SCAI: variants seen among roughly 807,000 people sequenced by gnomAD.
The protein encoded by SCAI is protein SCAI.
SCAI carries 24 observed loss-of-function variants against 92.2 expected under a neutral mutation model. The ratio of observed to expected loss-of-function variants is 0.26; its 90% CI spans 0.19 to 0.37. The LOEUF is 0.37. SCAI is among the 10% of genes least tolerant of loss of function. The probability of loss-of-function intolerance (pLI) is 1.00; values close to 1 mark genes in which losing one functional copy is unlikely to be tolerated. For synonymous variants in SCAI, 261 were observed against 258.6 expected (o/e 1.01, Z -0.09); for missense variants, 450 against 736.2 (o/e 0.61, Z 4.50).
chr9:125,027,971 T>C (rs1240186169), intron 5 of SCAI, among the ~76,000 whole-genome samples: 1 of 152,210 alleles, frequency 6.6e-6, no homozygotes, highest in Non-Finnish European at 1.5e-5. Flanking sequence ...AAGGATATAA[T>C]AAAAAATATC....
At chr9:125,114,750 G>A (rs930862573) in intron 2 of SCAI, among the ~76,000 whole-genome samples, 1 of 139,754 alleles carries the variant, frequency 7.2e-6, no homozygotes, top group Admixed American at 7.7e-5. Flanking sequence ...CGCTACAGGT[G>A]CGTGTCACCA....
chr9:125,141,666 A>ATAAGAAAACCTAC (rs1437397456), intron 2 of SCAI, among the ~76,000 whole-genome samples: 3 of 152,236 alleles, frequency 2.0e-5, no homozygotes, highest in Admixed American at 1.3e-4. Flanking sequence ...CCTACTTTCA[A>ATAAGAAAACCTAC]TTGCATATTT....
At chr9:125,053,358 A>C (rs1453787764) in intron 3 of SCAI, among the ~76,000 whole-genome samples, 1 of 152,178 alleles carries the variant, frequency 6.6e-6, no homozygotes, top group Non-Finnish European at 1.5e-5. Flanking sequence ...ACCTACGCTC[A>C]CATAAAAACT....
At chr9:125,005,275 G>C (rs1832479848) in intron 9 of SCAI, among the ~76,000 whole-genome samples, 1 of 152,150 alleles carries the variant, frequency 6.6e-6, no homozygotes, top group Admixed American at 6.5e-5. Context: ...ATTTAGTTAA[G>C]ATGAGAATAA....
chr9:124,986,872 T>C (rs1468262533), intron 14 of SCAI, among the ~76,000 whole-genome samples: 1 of 152,198 alleles, frequency 6.6e-6, no homozygotes, highest in Non-Finnish European at 1.5e-5. Flanking sequence ...ATCAGTCAAA[T>C]ACTTTAGGAT....
intron 9 of SCAI, among the ~76,000 whole-genome samples, chr9:125,016,027 T>C (rs1295993303): frequency 8.3e-4 from 79 of 94,714 alleles, no homozygotes; most frequent in African/African-American, 2.6e-3. Context: ...TTGGGGACTG[T>C]TGTGGGGCGG....
chr9:124,994,790 C>T (rs118169022), intron 14 of SCAI, 144 bp downstream of exon 14: 128 of 493,584 alleles, frequency 2.6e-4, no homozygotes, highest in Non-Finnish European at 4.1e-4. Context: ...CTAGCATGCA[C>T]AACCTCAAAA....
At chr9:125,116,254 T>C (rs956509542) in intron 2 of SCAI, among the ~76,000 whole-genome samples, 2 of 152,184 alleles carry the variant, frequency 1.3e-5, no homozygotes, top group African/African-American at 4.8e-5. Context: ...GAATTAACTT[T>C]AAAATATTAA....
chr9:125,139,474 CA>C (rs1178415748), intron 2 of SCAI, among the ~76,000 whole-genome samples: 4 of 152,088 alleles, frequency 2.6e-5, no homozygotes, highest in African/African-American at 9.7e-5. Flanking sequence ...AAAGAGGGAA[CA>C]TAAGTTCTGG....
chr9:125,020,548 C>T (rs2067402257), intron 7 of SCAI, 125 bp downstream of exon 7: 1 of 520,426 alleles, frequency 1.9e-6, no homozygotes, highest in Admixed American at 4.2e-5. Context: ...TCAGAAGTTA[C>T]TATACTTTGA....
chr9:125,142,343 G>T, intron 2 of SCAI: 1 of 240,170 alleles, frequency 4.2e-6, no homozygotes, highest in Non-Finnish European at 8.1e-6. Flanking sequence ...TGAAATTATG[G>T]CTAAGGTTAA....
At chr9:124,984,426 G>A (rs751298932) in intron 14 of SCAI, among the ~76,000 whole-genome samples, 4 of 152,242 alleles carry the variant, frequency 2.6e-5, no homozygotes, top group Non-Finnish European at 5.9e-5. Context: ...AGCGAGGAAG[G>A]AGGAAGACTC....
At chr9:125,035,374 GAAAC>G (rs1252402666) in intron 3 of SCAI, among the ~76,000 whole-genome samples, 4 of 151,642 alleles carry the variant, frequency 2.6e-5, no homozygotes, top group East Asian at 1.9e-4. Flanking sequence ...AAAAATGAAA[GAAAC>G]AAAGAAACAA....
chr9:125,016,310 C>T (rs1832758481), intron 9 of SCAI, among the ~76,000 whole-genome samples: 1 of 150,492 alleles, frequency 6.6e-6, no homozygotes, highest in Non-Finnish European at 1.5e-5. Flanking sequence ...ATCGCTTGAA[C>T]CTGGGAGGCA....
chr9:125,033,923 T>C lies in SCAI; in HGVS notation c.231-4184A>G, dbSNP rs533723945. On this transcript the variant is annotated intron_variant, in intron 3 of 17. Transcript: ENST00000336505. ...AAGAACATTTGATGAAGAAATATCA[T>C]TATTATATGAAGAAATATCAATATT... is the stretch of plus-strand genomic sequence containing the variant. Among the ~76,000 whole-genome samples, 4 of 152,284 alleles carry C rather than the reference T, an allele frequency of 2.6e-5. No individual in the cohort carries two copies. In the East Asian group the frequency reaches 7.7e-4, roughly 29 times the overall value.
At chr9:125,119,297 C>CATGT (rs1389603716) in intron 2 of SCAI, among the ~76,000 whole-genome samples, 1 of 152,218 alleles carries the variant, frequency 6.6e-6, no homozygotes, top group Non-Finnish European at 1.5e-5. Flanking sequence ...CACGGTCACA[C>CATGT]ATGTGGTCTG....
intron 3 of SCAI, among the ~76,000 whole-genome samples, chr9:125,054,590 T>C (rs914462097): frequency 2.0e-5 from 3 of 151,770 alleles, no homozygotes; most frequent in Non-Finnish European, 4.4e-5. Flanking sequence ...TAAAATAATC[T>C]ATTGCAGGAA....
At position 124,946,969 on chromosome 9, in the gene SCAI, T is replaced by C. The variant is rs1350861357; in HGVS notation, c.*5838A>G. On this transcript the variant is annotated 3_prime_UTR_variant, in exon 18 of 18. Coordinates refer to ENST00000336505, the MANE Select transcript of SCAI (RefSeq NM_001144877.3). The surrounding 1 kb of genome is among the most constrained non-coding windows in gnomAD (Gnocchi z 4.0). ...TCATAGCTGCTGCAAATATACAAAT[T>C]AACAACCTCCCGTTCCTCACTAAAT... 3.3e-5 allele frequency: 5 copies of C among 152,092 alleles called. No individual in the cohort carries two copies. Among genetic ancestry groups the C allele is most frequent in the Non-Finnish European group, 7.4e-5 (5 of 68,002 alleles). The allele number at this position is 152,092 out of a possible 1,614,324, so 9.4% of individuals were successfully genotyped here. A position where few individuals can be genotyped will look rare whatever the true frequency, so the allele number is the denominator to read the frequency against.
intron 12 of SCAI, among the ~76,000 whole-genome samples, chr9:125,000,636 CT>C (rs11315934): frequency 0.17 from 24,533 of 144,620 alleles, 2,194 homozygotes; most frequent in East Asian, 0.24. Context: ...ATAAAATAAG[CT>C]TTTTTTTTTT....
Sources: allele counts gnomAD v4.1 joint callset (sites outside exome capture counted in the v4.1 genomes callset), GRCh38; gene constraint gnomAD v4.1.1; non-coding constraint Gnocchi (gnomAD v3.1); transcripts MANE v1.5; gene names NCBI Gene and HGNC (gene_info 2026-07-23, HGNC 2026-07-21).